ITGAV: variants seen among roughly 807,000 people sequenced by gnomAD.
The protein encoded by ITGAV is integrin alpha-V.
In ITGAV, 76 loss-of-function variants were observed where a neutral mutation model predicts 143.8. The observed-to-expected ratio is 0.53, with a 90% CI of 0.44 to 0.64. ITGAV has a LOEUF of 0.64. Ranked by LOEUF, ITGAV falls within the 30% of genes least tolerant of loss-of-function variation. ITGAV has a pLI of 0.00. For missense variants in ITGAV, 1,193 were observed against 1,274.7 expected, an observed-to-expected ratio of 0.94 and a Z score of 0.98; for synonymous variants, 453 against 446.7, an observed-to-expected ratio of 1.01 and a Z score of -0.18.
At position 186,590,318 on chromosome 2, in the gene ITGAV, C is replaced by A; in HGVS notation, c.-21C>A. On this transcript the variant is annotated 5_prime_UTR_variant, in exon 1 of 30. Transcript: ENST00000261023. ...GAGGTGGCTACCGCTCCCGGCTTGG[C>A]GTCCCGCGCGCACTTCGGCGATGGC... 6.5e-7 allele frequency: 1 copy of A among 1,548,100 alleles called. No individual in the cohort carries two copies. The highest frequency in any genetic ancestry group is 8.7e-7 in the Non-Finnish European group (1 of 1,151,090).
At chr2:186,608,905 C>T (rs16828066) in intron 2 of ITGAV, among the ~76,000 whole-genome samples, 3,594 of 152,182 alleles carry the variant, frequency 0.024, 151 homozygotes, top group African/African-American at 0.082. Context: ...AAAGAACAAC[C>T]AGTGGATTTT....
intron 2 of ITGAV, among the ~76,000 whole-genome samples, chr2:186,620,441 G>A (rs945630245): frequency 6.6e-6 from 1 of 152,170 alleles, no homozygotes; most frequent in African/African-American, 2.4e-5. Flanking sequence ...GACTAGGGAC[G>A]AAGGATAAGA....
intron 2 of ITGAV, among the ~76,000 whole-genome samples, chr2:186,620,303 A>G (rs1001825931): frequency 2.0e-4 from 31 of 152,204 alleles, no homozygotes; most frequent in African/African-American, 7.0e-4. Flanking sequence ...GGTTAGCATC[A>G]TGAACAGACA....
rs760887987 is a variant in ITGAV, at chr2:186,625,523, G to A, written c.459G>A (p.Glu153=). The change falls in exon 4 of 30, where the codon GAG becomes GAA. Residue 153 remains glutamate (E), a synonymous_variant. Transcript: ENST00000261023. ...GAACTGAGATGAAACAGGAGCGAGA[G>A]CCTGTTGGAACATGCTTTCTTCAAG... ...HWRTEMKQER[E]PVGTCFLQDG... The A allele has an allele frequency of 3.1e-6, 5 of 1,613,896 alleles. No homozygotes were observed. The highest frequency in any genetic ancestry group is 2.7e-5 in the African/African-American group (2 of 74,892).
chr2:186,669,851 T>A, intron 26 of ITGAV, 37 bp downstream of exon 26: 1 of 1,339,130 alleles, frequency 7.5e-7, no homozygotes, highest in African/African-American at 1.4e-5. Flanking sequence ...CATAGACATT[T>A]AAAAATATGT....
intron 12 of ITGAV, 151 bp downstream of exon 12, chr2:186,641,739 C>T (rs1235732517): frequency 8.1e-6 from 5 of 615,384 alleles, no homozygotes; most frequent in Middle Eastern, 4.4e-4. Context: ...AATTTAAAGA[C>T]AGTTTGCTAT....
Position 186,664,629 on chromosome 2 carries a change from C to G in ITGAV, c.2061C>G (p.Val687=), listed in dbSNP as rs200743888. 1.5e-4 allele frequency: 249 copies of G among 1,613,858 alleles called. 1 individual carries two copies. The highest frequency in any genetic ancestry group is 3.1e-5 in the Non-Finnish European group (37 of 1,179,930). The change falls in exon 20 of 30, where the codon GTC becomes GTG. Residue 687 remains valine, a synonymous_variant. Transcript: ENST00000261023. ...IPLQADFIGV[V]RNNEALARLS... ...TGCAGGCTGATTTCATCGGGGTTGT[C>G]CGAAACAATGAAGTAAGCAGGCTGC...
At chr2:186,640,877 A>C in intron 10 of ITGAV, 38 bp from the exon 11 acceptor site, 1 of 1,509,636 alleles carries the variant, frequency 6.6e-7, no homozygotes, top group East Asian at 2.4e-5. Flanking sequence ...AACTAATTGG[A>C]TGAAATATAA....
At chr2:186,625,332 A>G in intron 3 of ITGAV, 141 bp from the exon 4 acceptor site, 1 of 615,440 alleles carries the variant, frequency 1.6e-6, no homozygotes. Flanking sequence ...TGATCACGTC[A>G]CTGCACTCCA....
chr2:186,617,815 A>G (rs1687408435), intron 2 of ITGAV, among the ~76,000 whole-genome samples: 1 of 151,992 alleles, frequency 6.6e-6, no homozygotes, highest in African/African-American at 2.4e-5. Flanking sequence ...CTAATCTTCC[A>G]ATGGGGTTTG....
At chr2:186,628,377 T>C (rs370076705) in intron 4 of ITGAV, among the ~76,000 whole-genome samples, 9 of 152,250 alleles carry the variant, frequency 5.9e-5, no homozygotes, top group African/African-American at 1.7e-4. Context: ...ACCTGACTTA[T>C]ATGGACACCG....
intron 4 of ITGAV, among the ~76,000 whole-genome samples, chr2:186,630,233 C>T (rs983322055): frequency 7.2e-5 from 11 of 151,826 alleles, no homozygotes; most frequent in Middle Eastern, 3.4e-3. Flanking sequence ...AAGGTCTTAG[C>T]GAAGACCTAG....
chr2:186,640,215 G>A (rs1014884120), intron 10 of ITGAV, among the ~76,000 whole-genome samples: 9 of 152,112 alleles, frequency 5.9e-5, no homozygotes, highest in Non-Finnish European at 8.8e-5. Flanking sequence ...CAGCTAAGCT[G>A]CTCATCCTAT....
intron 22 of ITGAV, 114 bp from the exon 23 acceptor site, chr2:186,667,036 G>T (rs1383841013): frequency 7.6e-6 from 5 of 661,390 alleles, no homozygotes; most frequent in Non-Finnish European, 7.5e-6. Context: ...CTATTTTGAG[G>T]TATAAGCTTT....
Position 186,640,915 on chromosome 2 carries a change from A to G in ITGAV, c.904A>G (p.Met302Val). The change falls in exon 11 of 30, where the codon ATG becomes GTG. Residue 302 changes from methionine to valine, a missense_variant and splice_region_variant. Physicochemically the swap from Met to Val is conservative, Grantham distance 21 (BLOSUM62 1). Transcript: ENST00000261023. ...ATTTCATTTTCATCTTTTTATCCAG[A>G]TGGCTGCATATTTCGGATTTTCTGT... The part of the protein sequence containing the change: ...SSLYNFTGEQ[M>V]AAYFGFSVAA... 1.9e-6 allele frequency: 3 copies of G among 1,589,560 alleles called. No homozygotes were observed. Among genetic ancestry groups the G allele is most frequent in the Non-Finnish European group, 2.6e-6 (3 of 1,163,884 alleles).
At chr2:186,622,274 A>C in intron 2 of ITGAV, 65 bp from the exon 3 acceptor site, 1 of 1,135,306 alleles carries the variant, frequency 8.8e-7, no homozygotes, top group South Asian at 1.3e-5. Context: ...GCTGGGGATA[A>C]AAATAAACTG....
intron 2 of ITGAV, among the ~76,000 whole-genome samples, chr2:186,616,266 A>C (rs1687354377): frequency 6.9e-6 from 1 of 145,264 alleles, no homozygotes; most frequent in Non-Finnish European, 1.5e-5. Flanking sequence ...AGTCAATGAT[A>C]TACCTTATTT....
At position 186,650,024 on chromosome 2, in the gene ITGAV, A is replaced by T. The variant is rs186944255; in HGVS notation, c.1397+139A>T. On this transcript the variant is annotated intron_variant, in intron 14 of 29. Coordinates refer to ENST00000261023, the MANE Select transcript of ITGAV (RefSeq NM_002210.5). ...TTGCTCTTTCTATTCATGATTTGCTATGGGCAAATAGTATTATTTTTATTG... is the reference window on the plus strand; with the variant it reads ...TTGCTCTTTCTATTCATGATTTGCTTTGGGCAAATAGTATTATTTTTATTG... The T allele has an allele frequency of 1.9e-4, 108 of 566,050 alleles. 1 individual carries two copies. The highest frequency in any genetic ancestry group is 3.6e-4 in the Admixed American group (10 of 27,562). The allele number at this position is 566,050 out of a possible 1,614,324, so 35.1% of individuals were successfully genotyped here. A position where few individuals can be genotyped will look rare whatever the true frequency, so the allele number is the denominator to read the frequency against.
chr2:186,658,571 T>C (rs1295507973), intron 17 of ITGAV, among the ~76,000 whole-genome samples: 1 of 152,150 alleles, frequency 6.6e-6, no homozygotes, highest in Non-Finnish European at 1.5e-5. Context: ...ATTTACATGA[T>C]GAAATAGTAC....
Sources: allele counts gnomAD v4.1 joint callset (sites outside exome capture counted in the v4.1 genomes callset), GRCh38; gene constraint gnomAD v4.1.1; transcripts MANE v1.5; gene names NCBI Gene and HGNC (gene_info 2026-07-23, HGNC 2026-07-21).